Variants in DDOST observed in about 807,000 individuals in gnomAD.
DDOST encodes the protein dolichyl-diphosphooligosaccharide--protein glycosyltransferase non-catalytic subunit.
In DDOST, 25 loss-of-function variants were observed where a neutral mutation model predicts 47.6. The ratio of observed to expected loss-of-function variants is 0.53; its 90% CI spans 0.38 to 0.73. The LOEUF (loss-of-function observed/expected upper bound fraction) is 0.73, where lower values mean the gene tolerates loss of function less well. Ranked by LOEUF, DDOST falls within the 30% of genes least tolerant of loss-of-function variation. The probability of loss-of-function intolerance (pLI) is 0.00; values close to 1 mark genes in which losing one functional copy is unlikely to be tolerated. For synonymous variants in DDOST, 275 were observed against 236.0 expected, an observed-to-expected ratio of 1.17 and a Z score of -1.51; for missense variants, 526 against 573.9, an observed-to-expected ratio of 0.92 and a Z score of 0.85.
At chr1:20,660,822 G>A in intron 2 of DDOST, 59 bp downstream of exon 2, 1 of 1,004,848 alleles carries the variant, frequency 1.0e-6, no homozygotes, top group Non-Finnish European at 1.6e-6. Flanking sequence ...CCAGAAGAAA[G>A]CAATCCATCA....
At position 20,655,766 on chromosome 1, in the gene DDOST, T is replaced by G; in HGVS notation, c.366A>C (p.Arg122=). ...CAATCCCGCACTCACTGCCCAGCTC[T>G]CGAAGAGGGTCACCTGCACAGACCG... ...AASSDIGDPL[R]ELGSECGIEF... is the part of the protein sequence containing the mutation. The change falls in exon 4 of 11, where the codon CGA becomes CGC. Residue 122 remains arginine (R), a synonymous_variant. Transcript: ENST00000602624. The G allele has an allele frequency of 6.2e-7, 1 of 1,614,014 alleles. No individual in the cohort carries two copies. Among genetic ancestry groups the G allele is most frequent in the Non-Finnish European group, 8.5e-7 (1 of 1,179,960 alleles).
At chr1:20,657,710 A>G (rs1570417082) in intron 2 of DDOST, among the ~76,000 whole-genome samples, 1 of 152,178 alleles carries the variant, frequency 6.6e-6, no homozygotes, top group East Asian at 1.9e-4. Context: ...TTTGAGGGGT[A>G]ATCTTCAGCA....
chr1:20,658,850 T>C (rs1444298221), intron 2 of DDOST, among the ~76,000 whole-genome samples: 1 of 150,682 alleles, frequency 6.6e-6, no homozygotes, highest in East Asian at 1.9e-4. Context: ...GTTTTTTTTC[T>C]CTTTTCTTTT....
chr1:20,654,189 C>T (rs1214990972), intron 7 of DDOST, 34 bp downstream of exon 7: 11 of 1,549,342 alleles, frequency 7.1e-6, no homozygotes, highest in East Asian at 2.4e-5. Context: ...CTGCACCACC[C>T]GGATCCCCGG....
At chr1:20,653,025 C>T (rs1274603276) in intron 8 of DDOST, 54 bp from the exon 9 acceptor site, 2 of 1,607,824 alleles carry the variant, frequency 1.2e-6, no homozygotes, top group Admixed American at 3.3e-5. Flanking sequence ...GGCCTTCCAC[C>T]ACCTGCAGGC....
chr1:20,656,122 C>G lies in DDOST; in HGVS notation c.331G>C (p.Val111Leu), dbSNP rs781007641. 2 of 1,614,088 alleles carry G rather than the reference C, an allele frequency of 1.2e-6. No individual in the cohort carries two copies. Among genetic ancestry groups the G allele is most frequent in the Admixed American group, 3.3e-5 (2 of 60,030 alleles). Residue 111 changes from valine (V) to leucine (L), a missense_variant, in exon 3 of 11, where the codon GTA becomes CTA. By Grantham distance (32) the Val-to-Leu change is conservative (BLOSUM62 1). Coordinates refer to ENST00000602624, the MANE Select transcript of DDOST (RefSeq NM_005216.5). Reference sequence around the variant, plus strand: ...TCACCAATGTCGGAGCTGGCAGCTACCAGCACACTGCCTCCGCCGTCAATA... The same window carrying G: ...TCACCAATGTCGGAGCTGGCAGCTAGCAGCACACTGCCTCCGCCGTCAATA... ...AFIDGGGSVL[V>L]AASSDIGDPL...
chr1:20,660,800 C>A, intron 2 of DDOST, 81 bp downstream of exon 2: 1 of 817,058 alleles, frequency 1.2e-6, no homozygotes, highest in South Asian at 1.5e-5. Flanking sequence ...TGACCCAGGA[C>A]ATGCCCAAGA....
Position 20,652,684 on chromosome 1 carries a change from A to G in DDOST, c.1107T>C (p.Gly369=), listed in dbSNP as rs2053308891. ...SVQFKLPDVY[G]VFQFKVDYNR... ...TGTAATCCACTTTAAACTGGAATAC[A>G]CCATACACGTCGGGCAACTTGAACT... The change falls in exon 10 of 11, where the codon GGT becomes GGC. Residue 369 remains glycine, a synonymous_variant. Coordinates refer to ENST00000602624, the MANE Select transcript of DDOST (RefSeq NM_005216.5). 6.2e-7 allele frequency: 1 copy of G among 1,614,110 alleles called. No individual in the cohort carries two copies. Among genetic ancestry groups the G allele is most frequent in the Non-Finnish European group, 8.5e-7 (1 of 1,180,040 alleles).
At position 20,651,810 on chromosome 1, in the gene DDOST, T is replaced by C. The variant is rs2053289245; in HGVS notation, c.*569A>G. 1.8e-5 allele frequency: 1 copy of C among 54,952 alleles called. No individual in the cohort carries two copies. The highest frequency in any genetic ancestry group is 4.2e-5 in the Non-Finnish European group (1 of 24,012). The allele number at this position is 54,952 out of a possible 1,614,324, so 3.4% of individuals were successfully genotyped here. A position where few individuals can be genotyped will look rare whatever the true frequency, so the allele number is the denominator to read the frequency against. On this transcript the variant is annotated 3_prime_UTR_variant, in exon 11 of 11. Transcript: ENST00000602624. ...CAACATCTCGCTTTATTTTTATTTA[T>C]TTATTTATTTATTTATTTATTTATT...
chr1:20,652,298 A>ACAAAG lies in DDOST; in HGVS notation c.*76_*80dup, dbSNP rs1570411729. ...TTGTGCCATTTTCCCACGGCTTTAA[A>ACAAAG]CAAAGCAAAACAAAACCACCAATCC... On this transcript the variant is annotated 3_prime_UTR_variant, in exon 11 of 11. Transcript: ENST00000602624. 1.2e-5 allele frequency: 17 copies of ACAAAG among 1,406,094 alleles called. No homozygotes were observed. The East Asian group carries it at 4.3e-4, about 35-fold the overall frequency. 87.1% of individuals were successfully genotyped at this position (1,406,094 alleles called of 1,614,324 possible). A position where few individuals can be genotyped will look rare whatever the true frequency, so the allele number is the denominator to read the frequency against.
intron 9 of DDOST, 48 bp from the exon 10 acceptor site, chr1:20,652,775 T>G (rs777026063): frequency 6.2e-7 from 1 of 1,613,004 alleles, no homozygotes; most frequent in Non-Finnish European, 8.5e-7. Context: ...CCCAGAGCTT[T>G]TCCTGGTTGG....
At position 20,653,676 on chromosome 1, in the gene DDOST, C is replaced by T. The variant is rs117925699; in HGVS notation, c.893G>A (p.Arg298Gln). 1.0e-3 allele frequency: 1,657 copies of T among 1,613,706 alleles called. 22 individuals are homozygous for T. The East Asian group carries it at 0.027, about 26-fold the overall frequency. Residue 298 changes from arginine (R) to glutamine (Q), a missense_variant, in exon 8 of 11, where the codon CGG (arginine) becomes CAG (glutamine). Transcript: ENST00000602624. ...VLRVGPVSHHRVGETAPPNAY... is the reference protein window; with the variant it reads ...VLRVGPVSHHQVGETAPPNAY... ...ATTGGGTGGGGCTGTCTCGCCCACC[C>T]GATGATGGGACACAGGCCCCACACG...
chr1:20,656,225 C>T (rs2053372143), intron 2 of DDOST, 38 bp from the exon 3 acceptor site: 1 of 1,518,544 alleles, frequency 6.6e-7, no homozygotes, highest in East Asian at 2.2e-5. Context: ...CCAGAGGTCT[C>T]CTCTCCCTGC....
At chr1:20,660,709 G>A in intron 2 of DDOST, 172 bp downstream of exon 2, 1 of 563,918 alleles carries the variant, frequency 1.8e-6, no homozygotes, top group Non-Finnish European at 3.2e-6. Context: ...TTAGAAAGAT[G>A]TACCCTCCTA....
intron 5 of DDOST, 66 bp downstream of exon 5, chr1:20,655,374 C>A (rs892630571): frequency 7.5e-7 from 1 of 1,327,018 alleles, no homozygotes; most frequent in Non-Finnish European, 1.1e-6. Context: ...CTTGATTTCC[C>A]AAAAAAATTA....
intron 8 of DDOST, 175 bp from the exon 9 acceptor site, chr1:20,653,146 C>G (rs746812261): frequency 5.9e-5 from 40 of 676,894 alleles, no homozygotes; most frequent in Non-Finnish European, 9.9e-5. Flanking sequence ...TCTCTCTCCT[C>G]AGCAAGGTTA....
chr1:20,655,171 G>GTTTTT (rs869053335), intron 5 of DDOST, among the ~76,000 whole-genome samples: 8 of 77,204 alleles, frequency 1.0e-4, no homozygotes, highest in Non-Finnish European at 1.9e-4. Flanking sequence ...ACTTTTTTTT[G>GTTTTT]TTTTTTTTTT....
rs550450324 is a variant in DDOST at position 20,654,698 on chromosome 1, G to A, written c.561C>T (p.Ala187=). The part of the protein sequence containing the change: ...PILFRGVGMV[A]DPDNPLVLDI... ...CCAGCACCAAAGGGTTATCAGGATCGGCCACCATCCTGCAGCAGGACGAGA... is the reference window on the plus strand; with the variant it reads ...CCAGCACCAAAGGGTTATCAGGATCAGCCACCATCCTGCAGCAGGACGAGA... Residue 187 remains alanine, a synonymous_variant, in exon 6 of 11, where the codon GCC becomes GCT. Coordinates refer to ENST00000602624, the MANE Select transcript of DDOST (RefSeq NM_005216.5). The A allele has an allele frequency of 7.7e-6, 12 of 1,556,674 alleles. No individual in the cohort carries two copies. The highest frequency in any genetic ancestry group is 4.8e-5 in the East Asian group (2 of 41,568).
chr1:20,661,366 G>T lies in DDOST; in HGVS notation c.-16C>A, dbSNP rs779525137. On this transcript the variant is annotated 5_prime_UTR_variant, in exon 1 of 11. Transcript: ENST00000602624. ...TGGGCTCCATCTTCCTCCTCCTGCCGAAGGACCCAGCACGTGCACACCGGA... is the reference window on the plus strand; with the variant it reads ...TGGGCTCCATCTTCCTCCTCCTGCCTAAGGACCCAGCACGTGCACACCGGA... The T allele has an allele frequency of 6.2e-6, 10 of 1,612,226 alleles. No homozygotes were observed. The highest frequency in any genetic ancestry group is 5.3e-5 in the African/African-American group (4 of 74,914).
Sources: allele counts gnomAD v4.1 joint callset (sites outside exome capture counted in the v4.1 genomes callset), GRCh38; gene constraint gnomAD v4.1.1; transcripts MANE v1.5; gene names NCBI Gene and HGNC (gene_info 2026-07-23, HGNC 2026-07-21).